The following PLIN1 variants were observed in gnomAD, a reference collection of about 807,000 sequenced individuals.
The protein encoded by PLIN1 is perilipin-1.
In PLIN1, 37 loss-of-function variants were observed where a neutral mutation model predicts 45.8. The ratio of observed to expected loss-of-function variants is 0.81; its 90% CI spans 0.62 to 1.06. The LOEUF (loss-of-function observed/expected upper bound fraction) is 1.06, where lower values mean the gene tolerates loss of function less well. Ranked by LOEUF, PLIN1 falls within the 50% of genes least tolerant of loss-of-function variation. PLIN1 has a pLI of 0.00. For missense variants in PLIN1, 776 were observed against 716.5 expected, an observed-to-expected ratio of 1.08 and a Z score of -0.95; for synonymous variants, 340 against 309.2, an observed-to-expected ratio of 1.10 and a Z score of -1.05.
chr15:89,677,753 CTTTT>C (rs766734035), intron 1 of PLIN1: 135 of 391,964 alleles, frequency 3.4e-4, no homozygotes, highest in Middle Eastern at 7.2e-4. Flanking sequence ...TTCTTTCTTT[CTTTT>C]TTTTTTTTTT....
At position 89,667,601 on chromosome 15, in the gene PLIN1, C is replaced by T. The variant is rs78608516; in HGVS notation, c.963+1G>A. On this transcript the variant is annotated splice_donor_variant, in intron 7 of 8. Coordinates refer to ENST00000300055, the MANE Select transcript of PLIN1 (RefSeq NM_002666.5). LOFTEE classifies it high-confidence loss of function. ...CTTGAGGCTCCCACTCTCCCCCTCA[C>T]CTCACTGAACTTGTTCTCCTCAGTC... 4 of 1,614,168 alleles carry T rather than the reference C, an allele frequency of 2.5e-6. No homozygotes were observed. The African/African-American group carries it at 4.0e-5, about 16-fold the overall frequency.
In PLIN1 at chr15:89,665,116, C is replaced by T. The variant is rs1197784974; in HGVS notation, c.*467G>A. 2.2e-4 allele frequency: 76 copies of T among 350,912 alleles called. No homozygotes were observed. The Admixed American group carries it at 2.9e-3, about 13-fold the overall frequency. The allele number at this position is 350,912 out of a possible 1,614,324, so 21.7% of individuals were successfully genotyped here. A position where few individuals can be genotyped will look rare whatever the true frequency, so the allele number is the denominator to read the frequency against. ...GATGTTCATCAGAGGGGGAACAGAT[C>T]ATCCTAGATCACAGAGGAGTTCAGT... On this transcript the variant is annotated 3_prime_UTR_variant, in exon 9 of 9. Transcript: ENST00000300055.
chr15:89,677,739 T>C lies in PLIN1; in HGVS notation c.-14-236A>G, dbSNP rs190340427. The C allele has an allele frequency of 7.2e-6, 4 of 555,122 alleles. No homozygotes were observed. The Admixed American group carries it at 1.2e-4, about 17-fold the overall frequency. The allele number at this position is 555,122 out of a possible 1,614,324, so 34.4% of individuals were successfully genotyped here. A position where few individuals can be genotyped will look rare whatever the true frequency, so the allele number is the denominator to read the frequency against. On this transcript the variant is annotated intron_variant, in intron 1 of 8. Coordinates refer to ENST00000300055, the MANE Select transcript of PLIN1 (RefSeq NM_002666.5). ...GTCAAGACTGATGTTTCTTTCTTTT[T>C]CTTTTCTTTCTTTCTTTTTTTTTTT...
rs202143729 is a variant in PLIN1, at chr15:89,667,649, T to C, written c.916A>G (p.Thr306Ala). 2.0e-5 allele frequency: 33 copies of C among 1,611,126 alleles called. No homozygotes were observed. Among genetic ancestry groups the C allele is most frequent in the Admixed American group, 1.8e-4 (11 of 59,720 alleles). Residue 306 changes from threonine to alanine, a missense_variant, in exon 7 of 9, where the codon ACG becomes GCG. Physicochemically the swap from Thr to Ala is moderately conservative, Grantham distance 58. Coordinates refer to ENST00000300055, the MANE Select transcript of PLIN1 (RefSeq NM_002666.5). Reference protein sequence around the residue: ...EDQTDTEGEDTEEEEELETEE... With the variant: ...EDQTDTEGEDAEEEEELETEE... Reference sequence around the variant, plus strand: ...GTCTCCAATTCTTCCTCCTCCTCCGTGTCCTCTCCCTCCGTGTCTGTCTGG... The same window carrying C: ...GTCTCCAATTCTTCCTCCTCCTCCGCGTCCTCTCCCTCCGTGTCTGTCTGG...
chr15:89,670,390 G>A (rs960259388), intron 4 of PLIN1, 146 bp from the exon 5 acceptor site: 10 of 818,042 alleles, frequency 1.2e-5, no homozygotes, highest in Non-Finnish European at 1.9e-5. Context: ...TAGGTACCTG[G>A]AATTAAGCTG....
At chr15:89,674,455 G>C (rs1022166038) in intron 2 of PLIN1, among the ~76,000 whole-genome samples, 4 of 151,962 alleles carry the variant, frequency 2.6e-5, no homozygotes, top group Non-Finnish European at 5.9e-5. Context: ...GGGTCTTGCC[G>C]GTCTTGAACT....
intron 6 of PLIN1, 91 bp from the exon 7 acceptor site, chr15:89,667,884 C>T (rs893566763): frequency 4.5e-5 from 68 of 1,524,590 alleles, no homozygotes; most frequent in African/African-American, 1.1e-4. Flanking sequence ...CCCCAGGGTC[C>T]GGGCCAGGTG....
chr15:89,667,108 G>T lies in PLIN1; in HGVS notation c.1037C>A (p.Thr346Asn). The T allele has an allele frequency of 6.2e-7, 1 of 1,614,088 alleles. No homozygotes were observed. Among genetic ancestry groups the T allele is most frequent in the African/African-American group, 1.3e-5 (1 of 75,048 alleles). ...AGGTGCCCATGTCACAGCCGAGATG[G>T]TGGTCTGGAGGGTCTTCTGCAGGGT... ...AHTLQKTLQT[T>N]ISAVTWAPAA... Residue 346 changes from threonine to asparagine, a missense_variant, in exon 8 of 9, where the codon ACC becomes AAC. Transcript: ENST00000300055.
intron 2 of PLIN1, among the ~76,000 whole-genome samples, chr15:89,675,163 G>A (rs1964497224): frequency 6.6e-6 from 1 of 152,112 alleles, no homozygotes. Flanking sequence ...CACTCTGGGT[G>A]CGATCTGCAC....
rs1450667312 is a variant in PLIN1, at chr15:89,665,606, T to G, written c.1546A>C (p.Ser516Arg). The change falls in exon 9 of 9, where the codon AGC becomes CGC. Residue 516 changes from serine (S) to arginine (R), a missense_variant. Coordinates refer to ENST00000300055, the MANE Select transcript of PLIN1 (RefSeq NM_002666.5). ...MEPILGRTHY[S>R]QLRKKS is the part of the protein sequence containing the mutation. Reference sequence around the variant, plus strand: ...ACTCAGCTCTTCTTGCGCAGCTGGCTGTAATGCGTGCGGCCCAGGATGGGC... The same window carrying G: ...ACTCAGCTCTTCTTGCGCAGCTGGCGGTAATGCGTGCGGCCCAGGATGGGC... The G allele has an allele frequency of 2.0e-5, 31 of 1,530,492 alleles. No homozygotes were observed. Among genetic ancestry groups the G allele is most frequent in the Non-Finnish European group, 2.5e-5 (29 of 1,141,182 alleles). The allele number at this position is 1,530,492 out of a possible 1,614,324, so 94.8% of individuals were successfully genotyped here. A position where few individuals can be genotyped will look rare whatever the true frequency, so the allele number is the denominator to read the frequency against.
intron 3 of PLIN1, among the ~76,000 whole-genome samples, chr15:89,671,985 C>T (rs1378563278): frequency 6.6e-6 from 1 of 152,226 alleles, no homozygotes; most frequent in Non-Finnish European, 1.5e-5. Flanking sequence ...CCTTCTCTTC[C>T]TTCCTGACCT....
chr15:89,677,366 C>A, intron 2 of PLIN1, 79 bp downstream of exon 2: 1 of 1,113,506 alleles, frequency 9.0e-7, no homozygotes, highest in African/African-American at 1.5e-5. Context: ...TGCTCTAAGT[C>A]CCCTGCATCT....
At chr15:89,669,775 A>G (rs971007305) in intron 5 of PLIN1, 103 bp from the exon 6 acceptor site, 1 of 1,091,754 alleles carries the variant, frequency 9.2e-7, no homozygotes, top group Non-Finnish European at 1.3e-6. Flanking sequence ...TAGGTCCACC[A>G]CAAACTCACT....
Position 89,667,010 on chromosome 15 carries a change from T to TA in PLIN1, c.1134_1135insT (p.Arg379Ter), listed in dbSNP as rs1468543571. The TA allele has an allele frequency of 3.1e-6, 5 of 1,614,028 alleles. No individual in the cohort carries two copies. Among genetic ancestry groups the TA allele is most frequent in the Non-Finnish European group, 3.4e-6 (4 of 1,179,928 alleles). On this transcript the variant is annotated frameshift_variant, in exon 8 of 9. Transcript: ENST00000300055. LOFTEE classifies it high-confidence loss of function. ...AGGGCATCTGATAGGGACATGGCCC[T>TA]CCCCTTGGTTGAGGAGACAGCAGGG...
At chr15:89,667,479 G>T (rs1964367169) in intron 7 of PLIN1, 123 bp downstream of exon 7, 10 of 1,445,892 alleles carry the variant, frequency 6.9e-6, no homozygotes, top group Non-Finnish European at 8.7e-6. Flanking sequence ...GTGGGGTGAA[G>T]GGTGTTGCAC....
Position 89,665,405 on chromosome 15 carries a change from T to TAA in PLIN1, c.*176_*177dup. On this transcript the variant is annotated 3_prime_UTR_variant, in exon 9 of 9. Transcript: ENST00000300055. ...TGAGAGTGAAGCCCCAAAAGGATGC[T>TAA]AAAAAAAAAATAAAAATAAAATAAA... 4 of 413,672 alleles carry TAA rather than the reference T, an allele frequency of 9.7e-6. No individual in the cohort carries two copies. The highest frequency in any genetic ancestry group is 1.2e-5 in the Non-Finnish European group (3 of 248,508). The allele number at this position is 413,672 out of a possible 1,614,324, so 25.6% of individuals were successfully genotyped here.
chr15:89,669,142 GT>G (rs1402369637), intron 6 of PLIN1, among the ~76,000 whole-genome samples: 2 of 152,104 alleles, frequency 1.3e-5, no homozygotes, highest in Non-Finnish European at 2.9e-5. Flanking sequence ...GCAGATGGAG[GT>G]CCTGCTGTCT....
intron 2 of PLIN1, among the ~76,000 whole-genome samples, chr15:89,675,422 CAAAAAAA>C (rs71151523): frequency 1.6e-5 from 1 of 62,584 alleles, no homozygotes; most frequent in Non-Finnish European, 2.9e-5. Context: ...CTCTGAGCCA[CAAAAAAA>C]AAAAAAAAAA....
At chr15:89,679,032 G>C (rs182934919) in intron 1 of PLIN1, among the ~76,000 whole-genome samples, 24 of 152,044 alleles carry the variant, frequency 1.6e-4, no homozygotes, top group Admixed American at 1.2e-3. Flanking sequence ...TTTTTTTATA[G>C]AGACAGGATC....
Sources: gnomAD v4.1 joint callset for allele counts (sites outside exome capture counted in the v4.1 genomes callset) on GRCh38, gnomAD v4.1.1 for gene constraint, MANE v1.5 for transcripts, NCBI Gene and HGNC (gene_info 2026-07-23, HGNC 2026-07-21) for gene names.